The following DIS3L2 variants were observed in gnomAD, a reference collection of about 807,000 sequenced individuals.
The protein encoded by DIS3L2 is DIS3 like 3'-5' exoribonuclease 2, also known as DIS3-like exonuclease 2.
Under a neutral mutation model 97.5 loss-of-function variants are expected in DIS3L2, and 34 were observed. The observed-to-expected ratio is 0.35, with a 90% CI of 0.27 to 0.46. The LOEUF (loss-of-function observed/expected upper bound fraction) is 0.46, where lower values mean the gene tolerates loss of function less well. DIS3L2 is among the 20% of genes least tolerant of loss of function. DIS3L2 has a pLI of 1.00. For synonymous variants in DIS3L2, 435 were observed against 445.2 expected (o/e 0.98, Z 0.29); for missense variants, 1,038 against 1,146.0 (o/e 0.91, Z 1.36).
chr2:231,966,778 A>G (rs550554831), intron 1 of DIS3L2, among the ~76,000 whole-genome samples: 128 of 143,538 alleles, frequency 8.9e-4, no homozygotes, highest in African/African-American at 3.3e-3. Flanking sequence ...ACAGGCATGA[A>G]TCACTGTGCC....
At chr2:232,300,168 G>A (rs1006623626) in intron 14 of DIS3L2, 49 bp downstream of exon 14, 4 of 1,560,154 alleles carry the variant, frequency 2.6e-6, no homozygotes, top group Non-Finnish European at 3.5e-6. Context: ...GTGCAGCAGT[G>A]GTGCCTGTGG....
At position 232,199,448 on chromosome 2, in the gene DIS3L2, C is replaced by T. The variant is rs1691836304; in HGVS notation, c.1125-10878C>T. 2.6e-5 allele frequency among the ~76,000 whole-genome samples: 4 copies of T among 152,130 alleles called. No individual in the cohort carries two copies. In the South Asian group the frequency reaches 8.3e-4, roughly 32 times the overall value. On this transcript the variant is annotated intron_variant, in intron 9 of 20. Coordinates refer to ENST00000325385, the MANE Select transcript of DIS3L2 (RefSeq NM_152383.5). ...ATGATGCAGTGAACTCTTCCTCTCA[C>T]CTCCCCATCCCAGCTTTCAAGATGT...
At chr2:232,015,293 G>A (rs548546526) in intron 2 of DIS3L2, among the ~76,000 whole-genome samples, 2 of 152,256 alleles carry the variant, frequency 1.3e-5, no homozygotes, top group Admixed American at 6.5e-5. Flanking sequence ...TGTTCCATGC[G>A]TGTTGTTGTG....
chr2:232,261,037 C>T (rs1429341898), intron 12 of DIS3L2, among the ~76,000 whole-genome samples: 1 of 152,202 alleles, frequency 6.6e-6, no homozygotes, highest in African/African-American at 2.4e-5. Context: ...TTTTCTTGCA[C>T]AGAAAATACA....
chr2:232,297,207 A>G lies in DIS3L2; in HGVS notation c.1660-2833A>G, dbSNP rs144145885. On this transcript the variant is annotated intron_variant, in intron 13 of 20. Coordinates refer to ENST00000325385, the MANE Select transcript of DIS3L2 (RefSeq NM_152383.5). ...CCCTCTCTCACTTCAGCCCTTCTCT[A>G]CCTGACCATCAGAGCTGGTCTTTCT... Among the ~76,000 whole-genome samples, 1,311 of 152,112 alleles carry G rather than the reference A, an allele frequency of 8.6e-3. 24 individuals are homozygous for G. Among genetic ancestry groups the G allele is most frequent in the Admixed American group, 0.049 (754 of 15,266 alleles).
At chr2:232,053,086 C>T (rs1178936454) in intron 5 of DIS3L2, among the ~76,000 whole-genome samples, 1 of 152,128 alleles carries the variant, frequency 6.6e-6, no homozygotes, top group Non-Finnish European at 1.5e-5. Flanking sequence ...GTGCTTATTT[C>T]TAAATAGACC....
intron 10 of DIS3L2, among the ~76,000 whole-genome samples, chr2:232,227,324 A>G (rs921193581): frequency 1.3e-5 from 2 of 152,236 alleles, no homozygotes; most frequent in African/African-American, 4.8e-5. Context: ...TCCATAATGC[A>G]GTGGTTAGGA....
At chr2:232,114,631 G>GT (rs1041398369) in intron 6 of DIS3L2, among the ~76,000 whole-genome samples, 1 of 152,162 alleles carries the variant, frequency 6.6e-6, no homozygotes, top group African/African-American at 2.4e-5. Context: ...CAATGAGATT[G>GT]TTGAGTAAGT....
At chr2:231,978,042 T>C (rs755134630) in intron 1 of DIS3L2, among the ~76,000 whole-genome samples, 1 of 152,234 alleles carries the variant, frequency 6.6e-6, no homozygotes, top group Non-Finnish European at 1.5e-5. Flanking sequence ...TAGAAGGTGA[T>C]AGAAGGACAT....
At chr2:232,032,796 G>A (rs1694836540) in intron 5 of DIS3L2, among the ~76,000 whole-genome samples, 5 of 152,142 alleles carry the variant, frequency 3.3e-5, no homozygotes, top group Admixed American at 3.3e-4. Flanking sequence ...AGATCAGATG[G>A]TTGTAGATGT....
chr2:232,277,265 GC>G (rs1285044689), intron 13 of DIS3L2, among the ~76,000 whole-genome samples: 1 of 152,104 alleles, frequency 6.6e-6, no homozygotes, highest in Admixed American at 6.5e-5. Context: ...TGAACATCAC[GC>G]CCCAAGTCAC....
At chr2:232,127,842 A>G (rs1315585245) in intron 6 of DIS3L2, among the ~76,000 whole-genome samples, 1 of 152,156 alleles carries the variant, frequency 6.6e-6, no homozygotes, top group Non-Finnish European at 1.5e-5. Flanking sequence ...TCACTCCTGT[A>G]TACACTGTCC....
At chr2:232,289,416 G>C (rs1694538320) in intron 13 of DIS3L2, among the ~76,000 whole-genome samples, 1 of 152,006 alleles carries the variant, frequency 6.6e-6, no homozygotes, top group African/African-American at 2.4e-5. Flanking sequence ...GGGATTACAA[G>C]TGCCCGCCAC....
At chr2:232,117,961 T>G (rs1697777960) in intron 6 of DIS3L2, among the ~76,000 whole-genome samples, 1 of 152,264 alleles carries the variant, frequency 6.6e-6, no homozygotes, top group Non-Finnish European at 1.5e-5. Context: ...CTGGGTCCCC[T>G]ACTTCAGAGT....
intron 12 of DIS3L2, 130 bp from the exon 13 acceptor site, chr2:232,263,077 C>A: frequency 1.0e-6 from 1 of 970,296 alleles, no homozygotes; most frequent in Non-Finnish European, 1.6e-6. Context: ...CCTGAACCTG[C>A]CACCATTCCG....
At chr2:232,109,483 T>C (rs1225887904) in intron 6 of DIS3L2, among the ~76,000 whole-genome samples, 1 of 151,922 alleles carries the variant, frequency 6.6e-6, no homozygotes, top group Admixed American at 6.6e-5. Flanking sequence ...AAAAATAAAC[T>C]GTACTACAGT....
rs533439114 is a variant in DIS3L2 at position 232,167,859 on chromosome 2, G to A, written c.1124+4227G>A. Among the ~76,000 whole-genome samples, 4 of 152,218 alleles carry A rather than the reference G, an allele frequency of 2.6e-5. No individual in the cohort carries two copies. In the South Asian group the frequency reaches 6.2e-4, roughly 24 times the overall value. Reference sequence around the variant, plus strand: ...GAGGTCAGGAGTTCGAGACCAGCCTGGCCAACATGGTGAAACCCTGTCTCA... The same window carrying A: ...GAGGTCAGGAGTTCGAGACCAGCCTAGCCAACATGGTGAAACCCTGTCTCA... On this transcript the variant is annotated intron_variant, in intron 9 of 20. Coordinates refer to ENST00000325385, the MANE Select transcript of DIS3L2 (RefSeq NM_152383.5).
chr2:232,119,082 G>C (rs910322061), intron 6 of DIS3L2, among the ~76,000 whole-genome samples: 1 of 152,102 alleles, frequency 6.6e-6, no homozygotes, highest in East Asian at 1.9e-4. Flanking sequence ...CGAGTAGTAG[G>C]CTGGATATCA....
intron 13 of DIS3L2, among the ~76,000 whole-genome samples, chr2:232,266,177 G>A (rs1210737441): frequency 1.3e-5 from 2 of 152,212 alleles, no homozygotes; most frequent in Non-Finnish European, 2.9e-5. Context: ...GCTCATATGA[G>A]GATAGGGTAT....
Sources: allele counts gnomAD v4.1 joint callset (sites outside exome capture counted in the v4.1 genomes callset), GRCh38; gene constraint gnomAD v4.1.1; transcripts MANE v1.5; gene names NCBI Gene and HGNC (gene_info 2026-07-23, HGNC 2026-07-21).